The following CHKA variants were observed in gnomAD, a reference collection of about 807,000 sequenced individuals.
CHKA encodes the protein CHETK-alpha.
Under a neutral mutation model 60.1 loss-of-function variants are expected in CHKA, and 34 were observed. The ratio of observed to expected loss-of-function variants is 0.57; its 90% confidence interval spans 0.43 to 0.75. The LOEUF (loss-of-function observed/expected upper bound fraction) is 0.75. Among genes scored for constraint, CHKA ranks in the 30% least tolerant of loss-of-function variants. CHKA has a pLI of 0.00. For missense variants in CHKA, 563 were observed against 561.3 expected (o/e 1.00, Z -0.03); for synonymous variants, 217 against 223.1 (o/e 0.97, Z 0.24).
At chr11:68,076,192 C>T (rs950143035) in intron 3 of CHKA, among the ~76,000 whole-genome samples, 2 of 152,138 alleles carry the variant, frequency 1.3e-5, no homozygotes, top group African/African-American at 4.8e-5. Flanking sequence ...GGCCTGTGAT[C>T]TTGTGAGGCT....
chr11:68,063,464 G>A (rs1354672711), intron 10 of CHKA, among the ~76,000 whole-genome samples: 2 of 151,028 alleles, frequency 1.3e-5, no homozygotes, highest in East Asian at 1.9e-4. Context: ...CTGCACTCCA[G>A]CTTGGGTGAC....
chr11:68,115,677 T>C (rs1394767436), intron 1 of CHKA, among the ~76,000 whole-genome samples: 2 of 152,004 alleles, frequency 1.3e-5, no homozygotes, highest in East Asian at 3.9e-4. Flanking sequence ...CCCCCATTTC[T>C]AAACAAACAA....
Position 68,053,735 on chromosome 11 carries a change from T to C in CHKA, c.*253A>G. On this transcript the variant is annotated 3_prime_UTR_variant, in exon 12 of 12. Coordinates refer to ENST00000265689, the MANE Select transcript of CHKA (RefSeq NM_001277.3). ...AAATGCCTTCTCTAGATTAAAAGGA[T>C]TCAGAGATGTTGCACTATTGCACTA... The C allele has an allele frequency of 2.4e-6, 1 of 413,722 alleles. No individual in the cohort carries two copies. The highest frequency in any genetic ancestry group is 4.5e-5 in the South Asian group (1 of 22,256). The allele number at this position is 413,722 out of a possible 1,614,324, so 25.6% of individuals were successfully genotyped here.
chr11:68,081,538 C>A, intron 2 of CHKA, 81 bp from the exon 3 acceptor site: 1 of 1,133,386 alleles, frequency 8.8e-7, no homozygotes, highest in South Asian at 1.3e-5. Flanking sequence ...CCAGAACAGT[C>A]AGGGTTTACA....
At chr11:68,075,742 C>A (rs1160652544) in intron 3 of CHKA, among the ~76,000 whole-genome samples, 1 of 152,034 alleles carries the variant, frequency 6.6e-6, no homozygotes, top group East Asian at 1.9e-4. Flanking sequence ...TAGAGACCAG[C>A]CTGGGCAACA....
chr11:68,121,181 C>A lies in CHKA; in HGVS notation c.-4G>T. 8.5e-7 allele frequency: 1 copy of A among 1,180,588 alleles called. No individual in the cohort carries two copies. Among genetic ancestry groups the A allele is most frequent in the Non-Finnish European group, 1.1e-6 (1 of 950,202 alleles). The allele number at this position is 1,180,588 out of a possible 1,614,324, so 73.1% of individuals were successfully genotyped here. ...CGGTGCAGAATTTGGTTTTCATGCC[C>A]GACAGGCGGCCGAGGAGGCGCGGGC... On this transcript the variant is annotated 5_prime_UTR_variant, in exon 1 of 12. Coordinates refer to ENST00000265689, the MANE Select transcript of CHKA (RefSeq NM_001277.3).
In CHKA at chr11:68,074,811, A is replaced by G. The variant is rs780605732; in HGVS notation, c.536T>C (p.Leu179Pro). 1 of 1,614,108 alleles carries G rather than the reference A, an allele frequency of 6.2e-7. No individual in the cohort carries two copies. The highest frequency in any genetic ancestry group is 2.2e-5 in the East Asian group (1 of 44,904). ...GAGAATGGCAAACATAACGCTCTCCAGAACCATGGCCTCAGCCCCCTAAAA... is the reference window on the plus strand; with the variant it reads ...GAGAATGGCAAACATAACGCTCTCCGGAACCATGGCCTCAGCCCCCTAAAA... The part of the protein sequence containing the change: ...NEFQGAEAMV[L>P]ESVMFAILAE... The change falls in exon 4 of 12, where the codon CTG (leucine) becomes CCG (proline). Residue 179 changes from leucine to proline, a missense_variant. Coordinates refer to ENST00000265689, the MANE Select transcript of CHKA (RefSeq NM_001277.3).
chr11:68,065,977 G>T, intron 8 of CHKA, 83 bp from the exon 9 acceptor site: 1 of 977,800 alleles, frequency 1.0e-6, no homozygotes, highest in Non-Finnish European at 1.6e-6. Context: ...AAGAAAGGCT[G>T]AGTTCCGAGC....
intron 11 of CHKA, among the ~76,000 whole-genome samples, chr11:68,055,542 G>A (rs1224325228): frequency 2.0e-5 from 3 of 152,248 alleles, no homozygotes; most frequent in Non-Finnish European, 4.4e-5. Flanking sequence ...TGCATTCCCA[G>A]CAGCAGCGCA....
intron 1 of CHKA, among the ~76,000 whole-genome samples, chr11:68,098,596 C>G (rs1330835925): frequency 8.5e-5 from 13 of 152,110 alleles, no homozygotes; most frequent in Admixed American, 8.5e-4. Context: ...GGCAGCACAA[C>G]AATGAATGTA....
At chr11:68,083,882 T>A (rs1336433394) in intron 2 of CHKA, among the ~76,000 whole-genome samples, 1 of 152,054 alleles carries the variant, frequency 6.6e-6, no homozygotes, top group Non-Finnish European at 1.5e-5. Flanking sequence ...GACGAGGAAA[T>A]CTCAAACCAA....
intron 6 of CHKA, 151 bp from the exon 7 acceptor site, chr11:68,069,088 C>A: frequency 1.6e-6 from 1 of 608,412 alleles, no homozygotes; most frequent in Non-Finnish European, 3.0e-6. Flanking sequence ...ACAACTGCGT[C>A]ATTACGTGGC....
rs1438253861 is a variant in CHKA at position 68,070,232 on chromosome 11, T to C, written c.826A>G (p.Lys276Glu). 1.1e-5 allele frequency: 18 copies of C among 1,614,068 alleles called. No homozygotes were observed. The highest frequency in any genetic ancestry group is 5.3e-5 in the African/African-American group (4 of 74,938). ...AAGGGCAGATTGTAACTGAGCAATT[T>C]GTGGAGCTTTTTAATTCTGGATTCC... ...TEESRIKKLHKLLSYNLPLEL... is the reference protein window; with the variant it reads ...TEESRIKKLHELLSYNLPLEL... The change falls in exon 6 of 12, where the codon AAA becomes GAA. Residue 276 changes from lysine to glutamate, a missense_variant. Transcript: ENST00000265689.
chr11:68,092,771 G>C (rs1210627852), intron 2 of CHKA, among the ~76,000 whole-genome samples: 3 of 152,154 alleles, frequency 2.0e-5, no homozygotes, highest in Non-Finnish European at 2.9e-5. Context: ...ACTTAACTCT[G>C]AGACTCTAGG....
Position 68,074,821 on chromosome 11 carries a change from C to A in CHKA, c.526G>T (p.Ala176Ser). 6 of 1,614,182 alleles carry A rather than the reference C, an allele frequency of 3.7e-6. No homozygotes were observed. Among genetic ancestry groups the A allele is most frequent in the Admixed American group, 1.7e-5 (1 of 60,028 alleles). The stretch of plus-strand genomic sequence containing the variant: ...AACATAACGCTCTCCAGAACCATGG[C>A]CTCAGCCCCCTAAAACAGATGGCAA... ...QKENEFQGAE[A>S]MVLESVMFAI... The change falls in exon 4 of 12, where the codon GCC becomes TCC. Residue 176 changes from alanine to serine, a missense_variant. Ala to Ser is a moderately conservative substitution (Grantham distance 99). Transcript: ENST00000265689.
chr11:68,100,453 G>T (rs1453893686), intron 1 of CHKA, among the ~76,000 whole-genome samples: 1 of 152,006 alleles, frequency 6.6e-6, no homozygotes, highest in Non-Finnish European at 1.5e-5. Flanking sequence ...AGCCGGGCAT[G>T]GTGGCACGTG....
chr11:68,100,145 G>T (rs191858368), intron 1 of CHKA, among the ~76,000 whole-genome samples: 176 of 152,252 alleles, frequency 1.2e-3, no homozygotes, highest in Middle Eastern at 6.8e-3. Context: ...TGCCAGAAAT[G>T]GTAGCAAAAA....
At chr11:68,068,739 C>T in intron 7 of CHKA, 140 bp downstream of exon 7, 5 of 589,804 alleles carry the variant, frequency 8.5e-6, no homozygotes, top group East Asian at 3.0e-5. Flanking sequence ...AAAAATAATA[C>T]AAAACCTCAT....
At chr11:68,062,827 G>A (rs1298763329) in intron 10 of CHKA, among the ~76,000 whole-genome samples, 4 of 152,154 alleles carry the variant, frequency 2.6e-5, no homozygotes, top group Non-Finnish European at 5.9e-5. Flanking sequence ...ATGCTGCGGT[G>A]AAGCCCAGCA....
Sources: gnomAD v4.1 joint callset for allele counts (sites outside exome capture counted in the v4.1 genomes callset) on GRCh38, gnomAD v4.1.1 for gene constraint, MANE v1.5 for transcripts, NCBI Gene and HGNC (gene_info 2026-07-23, HGNC 2026-07-21) for gene names.